CMPK1: variants seen among roughly 807,000 people sequenced by gnomAD.
CMPK1 encodes the protein UMP-CMP kinase.
In CMPK1, 10 loss-of-function variants were observed where a neutral mutation model predicts 25.7. That is an observed-to-expected ratio of 0.39 (90% CI 0.24 to 0.66). The LOEUF (loss-of-function observed/expected upper bound fraction) is 0.66. Ranked by LOEUF, CMPK1 falls within the 30% of genes least tolerant of loss-of-function variation. The probability of loss-of-function intolerance (pLI) is 0.48; values close to 1 mark genes in which losing one functional copy is unlikely to be tolerated. For missense variants in CMPK1, 199 were observed against 280.5 expected (o/e 0.71, Z 2.08); for synonymous variants, 106 against 101.5 (o/e 1.04, Z -0.27).
At chr1:47,366,559 A>G (rs1188373050) in intron 1 of CMPK1, among the ~76,000 whole-genome samples, 1 of 152,166 alleles carries the variant, frequency 6.6e-6, no homozygotes, top group Non-Finnish European at 1.5e-5. Context: ...CTTAAGAAAA[A>G]TATAGTATAA....
At chr1:47,369,712 C>T (rs1015438875) in intron 2 of CMPK1, among the ~76,000 whole-genome samples, 4 of 151,216 alleles carry the variant, frequency 2.6e-5, no homozygotes, top group African/African-American at 9.7e-5. Context: ...CAGGCGTGCA[C>T]CACCATGCCC....
At position 47,376,897 on chromosome 1, in the gene CMPK1, G is replaced by C; in HGVS notation, c.*152G>C. The C allele has an allele frequency of 2.1e-6, 1 of 475,934 alleles. No individual in the cohort carries two copies. The allele number at this position is 475,934 out of a possible 1,614,324, so 29.5% of individuals were successfully genotyped here. ...GGTAAAACAAAGTAAATTTTTTTAT[G>C]TTCTTTTTTTTGGTCACAGGAGTAG... On this transcript the variant is annotated 3_prime_UTR_variant, in exon 6 of 6. Coordinates refer to ENST00000371873, the MANE Select transcript of CMPK1 (RefSeq NM_016308.3).
intron 1 of CMPK1, among the ~76,000 whole-genome samples, chr1:47,366,567 TA>T: frequency 6.6e-6 from 1 of 152,276 alleles, no homozygotes; most frequent in East Asian, 1.9e-4. Flanking sequence ...AAATATAGTA[TA>T]AAAAACTGGT....
chr1:47,368,721 A>T (rs1248505977), intron 2 of CMPK1, 106 bp downstream of exon 2: 1 of 1,028,866 alleles, frequency 9.7e-7, no homozygotes, highest in Non-Finnish European at 1.3e-6. Context: ...GCATTTTGGG[A>T]AGCCAAAGCA....
intron 1 of CMPK1, chr1:47,358,783 G>A (rs1646580920): frequency 1.0e-6 from 1 of 983,774 alleles, no homozygotes; most frequent in Non-Finnish European, 1.2e-6. Context: ...TGTTATGTTT[G>A]CTTAATATTA....
intron 1 of CMPK1, among the ~76,000 whole-genome samples, chr1:47,355,807 A>G (rs187558002): frequency 4.6e-5 from 7 of 151,574 alleles, no homozygotes; most frequent in Admixed American, 3.3e-4. Context: ...GGGTTTCACT[A>G]TGTTGGCCAG....
chr1:47,351,108 G>A (rs1646519970), intron 1 of CMPK1, among the ~76,000 whole-genome samples: 1 of 151,908 alleles, frequency 6.6e-6, no homozygotes, highest in South Asian at 2.1e-4. Context: ...GTTTGTGACG[G>A]AGTCTCGCTT....
intron 1 of CMPK1, among the ~76,000 whole-genome samples, chr1:47,346,142 C>T (rs545929049): frequency 6.6e-6 from 1 of 151,506 alleles, no homozygotes; most frequent in African/African-American, 2.4e-5. Context: ...CTCTGCCTCC[C>T]GGGTTCAAGA....
intron 1 of CMPK1, 76 bp from the exon 2 acceptor site, chr1:47,368,393 C>T: frequency 8.0e-7 from 1 of 1,249,076 alleles, no homozygotes; most frequent in South Asian, 2.2e-5. Flanking sequence ...TAGAAATTAA[C>T]ACAAAGGAAA....
Position 47,377,940 on chromosome 1 carries a change from A to G in CMPK1, c.*1195A>G, listed in dbSNP as rs1646718233. On this transcript the variant is annotated 3_prime_UTR_variant, in exon 6 of 6. Transcript: ENST00000371873. ...TCTCTGAGGAATTTGTTTTCGCCTTACTTTTTTTTCTTCTGTCACAATGCT... is the reference window on the plus strand; with the variant it reads ...TCTCTGAGGAATTTGTTTTCGCCTTGCTTTTTTTTCTTCTGTCACAATGCT... 1 of 152,526 alleles carries G rather than the reference A, an allele frequency of 6.6e-6. No homozygotes were observed. Among genetic ancestry groups the G allele is most frequent in the South Asian group, 2.1e-4 (1 of 4,826 alleles). The allele number at this position is 152,526 out of a possible 1,614,324, so 9.4% of individuals were successfully genotyped here.
At chr1:47,360,172 C>T (rs1646591731) in intron 1 of CMPK1, among the ~76,000 whole-genome samples, 1 of 152,208 alleles carries the variant, frequency 6.6e-6, no homozygotes, top group Admixed American at 6.5e-5. Flanking sequence ...ATTATTGCCT[C>T]TGAGCTCCTG....
intron 1 of CMPK1, among the ~76,000 whole-genome samples, chr1:47,337,299 T>TAAAG (rs1174563824): frequency 6.6e-6 from 1 of 151,900 alleles, no homozygotes; most frequent in Non-Finnish European, 1.5e-5. Context: ...ATAAAATAAA[T>TAAAG]AAATAAATAA....
intron 1 of CMPK1, among the ~76,000 whole-genome samples, chr1:47,359,386 CTTTTTTTTTT>C (rs71053107): frequency 1.9e-5 from 2 of 102,758 alleles, no homozygotes; most frequent in Admixed American, 2.2e-4. Flanking sequence ...AACCTTTTTT[CTTTTTTTTTT>C]TTTTTTTTTG....
intron 1 of CMPK1, among the ~76,000 whole-genome samples, chr1:47,335,884 C>T (rs1375639796): frequency 1.3e-5 from 2 of 151,846 alleles, no homozygotes; most frequent in Non-Finnish European, 2.9e-5. Context: ...CTGCCTCAGC[C>T]TCTGCATAGC....
intron 1 of CMPK1, among the ~76,000 whole-genome samples, chr1:47,349,335 G>A (rs1646506014): frequency 6.6e-6 from 1 of 152,196 alleles, no homozygotes; most frequent in South Asian, 2.1e-4. Context: ...CTGGATTCAA[G>A]TGCCAGATTT....
At chr1:47,334,772 T>G (rs184103379) in intron 1 of CMPK1, among the ~76,000 whole-genome samples, 1 of 152,134 alleles carries the variant, frequency 6.6e-6, no homozygotes. Flanking sequence ...TGTTCTGAGA[T>G]CAAGCTTCAA....
chr1:47,357,637 G>A (rs112409804), intron 1 of CMPK1, among the ~76,000 whole-genome samples: 71 of 151,954 alleles, frequency 4.7e-4, no homozygotes, highest in Admixed American at 1.8e-3. Flanking sequence ...GGCACCCGCC[G>A]TCATGCGTGG....
At chr1:47,358,652 AG>A (rs1262400137) in intron 1 of CMPK1, 3 of 989,580 alleles carry the variant, frequency 3.0e-6, no homozygotes, top group Non-Finnish European at 3.6e-6. Context: ...TAAGCACTCT[AG>A]TTCAGTGTTC....
At chr1:47,341,779 C>T (rs1056755400) in intron 1 of CMPK1, among the ~76,000 whole-genome samples, 5 of 151,440 alleles carry the variant, frequency 3.3e-5, no homozygotes, top group South Asian at 2.1e-4. Context: ...GCTGGGATTA[C>T]GCCCAGCTAA....
Sources: allele counts gnomAD v4.1 joint callset (sites outside exome capture counted in the v4.1 genomes callset), GRCh38; gene constraint gnomAD v4.1.1; transcripts MANE v1.5; gene names NCBI Gene and HGNC (gene_info 2026-07-23, HGNC 2026-07-21).